The following AMPH variants were observed in gnomAD, a reference collection of about 807,000 sequenced individuals.
AMPH encodes the protein amphiphysin, also known as amphiphysin (Stiff-Mann syndrome with breast cancer 128kD autoantigen).
Under a neutral mutation model 99.1 loss-of-function variants are expected in AMPH, and 49 were observed. The ratio of observed to expected loss-of-function variants is 0.49; its 90% CI spans 0.39 to 0.63. The LOEUF (loss-of-function observed/expected upper bound fraction) is 0.63, where lower values mean the gene tolerates loss of function less well. Ranked by LOEUF, AMPH falls within the 20% of genes least tolerant of loss-of-function variation. The probability of loss-of-function intolerance (pLI) is 0.00; values close to 1 mark genes in which losing one functional copy is unlikely to be tolerated. For synonymous variants in AMPH, 314 were observed against 317.3 expected (o/e 0.99, Z 0.11); for missense variants, 759 against 863.4 (o/e 0.88, Z 1.52).
At chr7:38,397,500 C>T (rs1011679669) in intron 17 of AMPH, among the ~76,000 whole-genome samples, 4 of 152,054 alleles carry the variant, frequency 2.6e-5, no homozygotes, top group African/African-American at 9.7e-5. Flanking sequence ...TTGCCATATA[C>T]AAAAATTAAA....
intron 6 of AMPH, among the ~76,000 whole-genome samples, chr7:38,476,289 A>T (rs1382611444): frequency 6.6e-6 from 1 of 152,204 alleles, no homozygotes; most frequent in African/African-American, 2.4e-5. Context: ...AGACTTAAGC[A>T]GTTGAGAAAC....
chr7:38,564,949 C>G (rs1167575001), intron 1 of AMPH, among the ~76,000 whole-genome samples: 1 of 151,926 alleles, frequency 6.6e-6, no homozygotes, highest in African/African-American at 2.4e-5. Context: ...ACGGTGAAAC[C>G]CTGTCTCTAC....
chr7:38,527,749 G>C (rs1035470727), intron 2 of AMPH, among the ~76,000 whole-genome samples: 1 of 152,028 alleles, frequency 6.6e-6, no homozygotes, highest in Admixed American at 6.6e-5. Context: ...TTTCCTTATT[G>C]TACTGGCTAG....
chr7:38,473,653 G>A (rs1787969411), intron 7 of AMPH, among the ~76,000 whole-genome samples: 1 of 56,760 alleles, frequency 1.8e-5, no homozygotes, highest in African/African-American at 8.3e-5. Flanking sequence ...GCAGTGAGCC[G>A]AGATTGCGCC....
intron 11 of AMPH, among the ~76,000 whole-genome samples, chr7:38,449,357 A>G (rs1348513780): frequency 6.6e-6 from 1 of 152,220 alleles, no homozygotes; most frequent in Non-Finnish European, 1.5e-5. Context: ...GGCAAGGTTC[A>G]GCAGAAAGAC....
rs185840241 is a variant in AMPH, at chr7:38,461,143, C to T, written c.1017+140G>A. ...CCATGTAAGAATGCTTCAGACTAACCAAGTAATTAAAACAAGCCTGAATGA... is the reference window on the plus strand; with the variant it reads ...CCATGTAAGAATGCTTCAGACTAACTAAGTAATTAAAACAAGCCTGAATGA... On this transcript the variant is annotated intron_variant, in intron 11 of 20. Coordinates refer to ENST00000356264, the MANE Select transcript of AMPH (RefSeq NM_001635.4). The T allele has an allele frequency of 1.1e-3, 1,051 of 963,346 alleles. 4 individuals are homozygous for T. The highest frequency in any genetic ancestry group is 1.1e-3 in the South Asian group (64 of 59,320). The allele number at this position is 963,346 out of a possible 1,614,324, so 59.7% of individuals were successfully genotyped here.
intron 2 of AMPH, among the ~76,000 whole-genome samples, chr7:38,530,372 A>G (rs1242283657): frequency 6.6e-5 from 10 of 152,198 alleles, no homozygotes; most frequent in Non-Finnish European, 1.5e-4. Context: ...CATATTACAC[A>G]AAAGTTAGCC....
chr7:38,453,771 A>G (rs1353719595), intron 11 of AMPH, among the ~76,000 whole-genome samples: 1 of 152,228 alleles, frequency 6.6e-6, no homozygotes, highest in Non-Finnish European at 1.5e-5. Context: ...CTAGGTGACC[A>G]AAGTCTCTAT....
intron 14 of AMPH, 175 bp downstream of exon 14, chr7:38,429,667 T>C (rs1166016572): frequency 7.5e-7 from 1 of 1,335,542 alleles, no homozygotes; most frequent in East Asian, 2.5e-5. Context: ...CACAAAGCTC[T>C]TCAGGCGAGT....
chr7:38,413,899 T>C (rs1217413987), intron 17 of AMPH, among the ~76,000 whole-genome samples: 2 of 152,218 alleles, frequency 1.3e-5, no homozygotes, highest in African/African-American at 2.4e-5. Context: ...ATGTTTACTC[T>C]GCAAAAGGAT....
intron 7 of AMPH, 94 bp from the exon 8 acceptor site, chr7:38,466,342 G>T: frequency 9.7e-7 from 1 of 1,027,582 alleles, no homozygotes. Flanking sequence ...GAAAACCCAG[G>T]TTTCTTTTAC....
intron 1 of AMPH, among the ~76,000 whole-genome samples, chr7:38,548,467 G>T (rs944706582): frequency 1.3e-5 from 2 of 152,094 alleles, no homozygotes; most frequent in South Asian, 2.1e-4. Context: ...AGTGATTTTG[G>T]GGTCCCAAGA....
intron 1 of AMPH, among the ~76,000 whole-genome samples, chr7:38,622,944 C>T (rs1794123021): frequency 1.3e-5 from 2 of 152,180 alleles, no homozygotes; most frequent in Admixed American, 6.5e-5. Context: ...GTACTGTGCT[C>T]TTGTTCCCTG....
rs1254303502 is a variant in AMPH, at chr7:38,389,874, T to C, written c.1910A>G (p.Asn637Ser). The C allele has an allele frequency of 1.2e-6, 2 of 1,613,878 alleles. No homozygotes were observed. Among genetic ancestry groups the C allele is most frequent in the Admixed American group, 1.7e-5 (1 of 60,024 alleles). ...VETLHDFEAANSDELTLQRGD... is the reference protein window; with the variant it reads ...VETLHDFEAASSDELTLQRGD... ...CCTTTGTAAGGTAAGTTCATCAGAA[T>C]TTGCTGCCTCAAAATCATGCAGTGT... is the stretch of plus-strand genomic sequence containing the variant. The change falls in exon 20 of 21, where the codon AAT becomes AGT. Residue 637 changes from asparagine to serine, a missense_variant. Physicochemically the swap from Asn to Ser is conservative, Grantham distance 46. This residue lies in a region of AMPH where 554 missense variants were observed against 575.6 expected (regional missense o/e 0.96). Coordinates refer to ENST00000356264, the MANE Select transcript of AMPH (RefSeq NM_001635.4).
chr7:38,463,019 C>T lies in AMPH; in HGVS notation c.844G>A (p.Ala282Thr). 1.9e-6 allele frequency: 3 copies of T among 1,607,180 alleles called. No individual in the cohort carries two copies. The highest frequency in any genetic ancestry group is 2.2e-5 in the South Asian group (2 of 90,082). Residue 282 changes from alanine to threonine, a missense_variant, in exon 10 of 21, where the codon GCA (alanine) becomes ACA (threonine). Ala to Thr is a moderately conservative substitution (Grantham distance 58). This residue lies in a region of AMPH where 554 missense variants were observed against 575.6 expected (regional missense o/e 0.96). Coordinates refer to ENST00000356264, the MANE Select transcript of AMPH (RefSeq NM_001635.4). ...SPTASPNHTL[A>T]PASPAPARPR... is the part of the protein sequence containing the mutation. ...CGTGCTGGTGCGGGAGACGCAGGTG[C>T]TAATGTATGATTTGGACTTGCTGTC...
At chr7:38,588,676 T>C (rs1414254087) in intron 1 of AMPH, among the ~76,000 whole-genome samples, 1 of 152,046 alleles carries the variant, frequency 6.6e-6, no homozygotes, top group Non-Finnish European at 1.5e-5. Flanking sequence ...TGGGGCACCA[T>C]ATTGGATTAA....
At position 38,461,336 on chromosome 7, in the gene AMPH, T is replaced by C; in HGVS notation, c.964A>G (p.Ser322Gly). The C allele has an allele frequency of 6.8e-6, 11 of 1,614,152 alleles. No homozygotes were observed. The highest frequency in any genetic ancestry group is 8.5e-6 in the Non-Finnish European group (10 of 1,180,002). ...GGAACAAAGTTGTCCTCAAAGAAAC[T>C]GATGATGTTCTCCTGCTGCAGTTCC... is the stretch of plus-strand genomic sequence containing the variant. ...TKELQQENII[S>G]FFEDNFVPEI... Residue 322 changes from serine to glycine, a missense_variant, in exon 11 of 21, where the codon AGT (serine) becomes GGT (glycine). Physicochemically the swap from Ser to Gly is moderately conservative, Grantham distance 56. Transcript: ENST00000356264.
intron 11 of AMPH, among the ~76,000 whole-genome samples, chr7:38,451,359 C>CATATATACACAT: frequency 6.8e-6 from 1 of 148,066 alleles, no homozygotes; most frequent in African/African-American, 2.5e-5. Context: ...GTTATATACA[C>CATATATACACAT]GTATATATAT....
At position 38,631,344 on chromosome 7, in the gene AMPH, T is replaced by G; in HGVS notation, c.8A>C (p.Asp3Ala). 1 of 1,554,596 alleles carries G rather than the reference T, an allele frequency of 6.4e-7. No individual in the cohort carries two copies. The highest frequency in any genetic ancestry group is 8.7e-7 in the Non-Finnish European group (1 of 1,151,544). The change falls in exon 1 of 21, where the codon GAC becomes GCC. Residue 3 changes from aspartate to alanine, a missense_variant. Asp to Ala is a moderately radical substitution (Grantham distance 126). Transcript: ENST00000356264. ...CTTGGCGAAGATGCCCGTCTTGATG[T>G]CGGCCATGGCTGCGGGTCCGGGGAG... MA[D>A]IKTGIFAKNV... is the part of the protein sequence containing the mutation.
Sources: allele counts gnomAD v4.1 joint callset (sites outside exome capture counted in the v4.1 genomes callset), GRCh38; gene constraint gnomAD v4.1.1; regional missense constraint gnomAD v4.1.1; transcripts MANE v1.5; gene names NCBI Gene and HGNC (gene_info 2026-07-23, HGNC 2026-07-21).